The following ADCY5 variants were observed in gnomAD, a reference collection of about 807,000 sequenced individuals.
The protein encoded by ADCY5 is adenylate cyclase 5.
A neutral mutation model predicts 119.7 loss-of-function variants in ADCY5; 30 were observed. The ratio of observed to expected loss-of-function variants is 0.25; its 90% confidence interval spans 0.19 to 0.34. The LOEUF is 0.34. Ranked by LOEUF, ADCY5 falls within the 10% of genes least tolerant of loss-of-function variation. The pLI is 1.00. For synonymous variants in ADCY5, 753 were observed against 762.2 expected, an observed-to-expected ratio of 0.99 and a Z score of 0.20; for missense variants, 1,324 against 1,775.2, an observed-to-expected ratio of 0.75 and a Z score of 4.57.
At chr3:123,416,060 A>C in intron 1 of ADCY5, 1 of 1,043,538 alleles carries the variant, frequency 9.6e-7, no homozygotes, top group Non-Finnish European at 1.3e-6. Flanking sequence ...GTTCCCACCT[A>C]GGGTCAGGGG....
chr3:123,432,693 A>T (rs563441277), intron 1 of ADCY5, among the ~76,000 whole-genome samples: 1 of 151,828 alleles, frequency 6.6e-6, no homozygotes, highest in South Asian at 2.1e-4. Flanking sequence ...TGCCTAGCTA[A>T]TTTTTTCATT....
At chr3:123,359,737 G>A (rs944753027) in intron 1 of ADCY5, among the ~76,000 whole-genome samples, 9 of 152,242 alleles carry the variant, frequency 5.9e-5, no homozygotes, top group East Asian at 3.9e-4. Flanking sequence ...GCTCTCTCCC[G>A]CAAAGTGTCC....
intron 7 of ADCY5, 119 bp from the exon 8 acceptor site, chr3:123,325,581 G>T: frequency 7.6e-7 from 1 of 1,319,912 alleles, no homozygotes; most frequent in Non-Finnish European, 1.1e-6. Flanking sequence ...TTTCCTCTCT[G>T]CACAGCCCTG....
At chr3:123,385,537 G>A (rs1944193193) in intron 1 of ADCY5, among the ~76,000 whole-genome samples, 1 of 152,136 alleles carries the variant, frequency 6.6e-6, no homozygotes, top group Non-Finnish European at 1.5e-5. Flanking sequence ...TGAGACAGGG[G>A]TGTGTACAGG....
chr3:123,289,243 A>T (rs1338374851), intron 19 of ADCY5, among the ~76,000 whole-genome samples: 1 of 152,234 alleles, frequency 6.6e-6, no homozygotes, highest in Non-Finnish European at 1.5e-5. Flanking sequence ...TACATTGTGT[A>T]TTTAAAATGT....
chr3:123,389,021 T>C (rs1019290571), intron 1 of ADCY5, among the ~76,000 whole-genome samples: 1 of 151,470 alleles, frequency 6.6e-6, no homozygotes, highest in African/African-American at 2.4e-5. Context: ...CCAGGAGTCA[T>C]GGAAGGAAGG....
At chr3:123,316,509 G>A (rs1454523986) in intron 11 of ADCY5, among the ~76,000 whole-genome samples, 5 of 152,178 alleles carry the variant, frequency 3.3e-5, no homozygotes, top group African/African-American at 9.7e-5. Context: ...GTCAACATTC[G>A]GGGAAACTGG....
intron 1 of ADCY5, among the ~76,000 whole-genome samples, chr3:123,356,985 C>T (rs1201565386): frequency 6.6e-6 from 1 of 151,890 alleles, no homozygotes; most frequent in Non-Finnish European, 1.5e-5. Flanking sequence ...ATGAAGGAAG[C>T]CAGACTCAAA....
chr3:123,408,688 T>TCGGGCTAGAACTCGGCCGGGCTA (rs1419879808), intron 1 of ADCY5, among the ~76,000 whole-genome samples: 1 of 119,470 alleles, frequency 8.4e-6, no homozygotes, highest in East Asian at 2.6e-4. Flanking sequence ...AAGTTCTAGC[T>TCGGGCTAGAACTCGGCCGGGCTA]GTACTCGGCC....
At chr3:123,378,721 A>G (rs12631960) in intron 1 of ADCY5, among the ~76,000 whole-genome samples, 71,980 of 152,072 alleles carry the variant, frequency 0.47, 17,811 homozygotes, top group East Asian at 0.69. Context: ...CATGGAGGGG[A>G]AGCCCTGGCC....
At chr3:123,438,675 C>T (rs1384799158) in intron 1 of ADCY5, among the ~76,000 whole-genome samples, 1 of 152,204 alleles carries the variant, frequency 6.6e-6, no homozygotes, top group African/African-American at 2.4e-5. Context: ...TAATAATGTC[C>T]TCAAAGTGCA....
intron 1 of ADCY5, among the ~76,000 whole-genome samples, chr3:123,432,564 C>T (rs1559877112): frequency 6.6e-6 from 1 of 152,090 alleles, no homozygotes; most frequent in Non-Finnish European, 1.5e-5. Context: ...CAGGGTCTTG[C>T]TCCGTGCCCA....
chr3:123,313,421 G>A (rs1940701616), intron 12 of ADCY5, among the ~76,000 whole-genome samples: 1 of 152,216 alleles, frequency 6.6e-6, no homozygotes, highest in African/African-American at 2.4e-5. Flanking sequence ...GGCTCCTAGT[G>A]AGCGTCAGGG....
At chr3:123,444,726 C>T (rs765721683) in intron 1 of ADCY5, among the ~76,000 whole-genome samples, 2 of 152,150 alleles carry the variant, frequency 1.3e-5, no homozygotes, top group African/African-American at 2.4e-5. Context: ...GGGGAGAGGT[C>T]CAGCCTTGCA....
At chr3:123,332,524 C>T (rs939308048) in intron 4 of ADCY5, 40 bp downstream of exon 4, 3 of 1,488,380 alleles carry the variant, frequency 2.0e-6, no homozygotes, top group South Asian at 1.2e-5. Flanking sequence ...CTCAACAGCC[C>T]AGGTCAGGCC....
chr3:123,327,492 AG>A, intron 7 of ADCY5, 125 bp downstream of exon 7: 1 of 1,048,058 alleles, frequency 9.5e-7, no homozygotes, highest in South Asian at 1.8e-5. Context: ...TTTAAGATGC[AG>A]GAACCGCAAC....
At chr3:123,309,639 T>C (rs1297867578) in intron 12 of ADCY5, among the ~76,000 whole-genome samples, 1 of 152,166 alleles carries the variant, frequency 6.6e-6, no homozygotes, top group Non-Finnish European at 1.5e-5. Context: ...TCCTGGACTG[T>C]CCTGACTTGA....
chr3:123,390,162 C>T (rs150774344), intron 1 of ADCY5, among the ~76,000 whole-genome samples: 12 of 152,184 alleles, frequency 7.9e-5, no homozygotes, highest in Admixed American at 6.5e-4. Context: ...GGAGAGAGGC[C>T]GTCCCCTACG....
chr3:123,337,185 G>A (rs775355199), intron 3 of ADCY5, among the ~76,000 whole-genome samples: 4 of 152,140 alleles, frequency 2.6e-5, no homozygotes, highest in Admixed American at 1.3e-4. Flanking sequence ...ATTATGCTCC[G>A]GTCTGTCTCT....
Sources: gnomAD v4.1 joint callset for allele counts (sites outside exome capture counted in the v4.1 genomes callset) on GRCh38, gnomAD v4.1.1 for gene constraint, MANE v1.5 for transcripts, NCBI Gene and HGNC (gene_info 2026-07-23, HGNC 2026-07-21) for gene names.